LINGO2: variants seen among roughly 807,000 people sequenced by gnomAD.
LINGO2 encodes leucine-rich repeat and immunoglobulin-like domain-containing nogo receptor-interacting protein 2.
In LINGO2, 14 loss-of-function variants were observed where a neutral mutation model predicts 30.6. The ratio of observed to expected loss-of-function variants is 0.46; its 90% CI spans 0.30 to 0.72. The LOEUF is 0.72. LINGO2 is among the 30% of genes least tolerant of loss of function. LINGO2 has a pLI of 0.07. For missense variants in LINGO2, 729 were observed against 751.7 expected (o/e 0.97, Z 0.35); for synonymous variants, 317 against 288.5 (o/e 1.10, Z -1.00).
intron 1 of LINGO2, among the ~76,000 whole-genome samples, chr9:28,549,823 G>A (rs961039287): frequency 2.0e-5 from 3 of 151,088 alleles, no homozygotes; most frequent in South Asian, 4.2e-4. Context: ...CATCCATTTT[G>A]TTTTTTATTT....
At chr9:28,766,508 AATAAT>A in the LINGO2 span, among the ~76,000 whole-genome samples, 9 of 151,944 alleles carry the variant, frequency 5.9e-5, no homozygotes, top group African/African-American at 1.9e-4. Context: ...TATTATGAAA[AATAAT>A]ATAAAGATTC....
At chr9:28,084,596 T>C (rs563590811) in intron 4 of LINGO2, among the ~76,000 whole-genome samples, 1 of 152,238 alleles carries the variant, frequency 6.6e-6, no homozygotes, top group East Asian at 1.9e-4. Context: ...ATTTACTGTA[T>C]GAAGAAGCTT....
At chr9:28,911,645 T>A in the LINGO2 span, among the ~76,000 whole-genome samples, 1 of 152,214 alleles carries the variant, frequency 6.6e-6, no homozygotes, top group East Asian at 1.9e-4. Flanking sequence ...ACATAACAAG[T>A]GATTTTAGAT....
intron 4 of LINGO2, among the ~76,000 whole-genome samples, chr9:28,210,378 A>G (rs1820546851): frequency 6.6e-6 from 1 of 151,606 alleles, no homozygotes; most frequent in Non-Finnish European, 1.5e-5. Context: ...TCTATCCTCG[A>G]ACTCCATCAC....
At chr9:28,956,459 G>T in the LINGO2 span, among the ~76,000 whole-genome samples, 1 of 152,072 alleles carries the variant, frequency 6.6e-6, no homozygotes, top group South Asian at 2.1e-4. Flanking sequence ...TTCTTTATCT[G>T]TAAAGTGAAG....
intron 4 of LINGO2, among the ~76,000 whole-genome samples, chr9:28,064,794 A>G (rs1327746535): frequency 6.6e-6 from 1 of 152,056 alleles, no homozygotes; most frequent in African/African-American, 2.4e-5. Context: ...AAACAAAACC[A>G]AACCTGGTGC....
At chr9:28,703,503 T>C in the LINGO2 span, among the ~76,000 whole-genome samples, 2 of 152,082 alleles carry the variant, frequency 1.3e-5, no homozygotes, top group African/African-American at 4.8e-5. Context: ...GGATGTGTTT[T>C]ATGGCCAAGA....
the LINGO2 span, among the ~76,000 whole-genome samples, chr9:28,766,256 C>A: frequency 6.6e-5 from 10 of 151,788 alleles, no homozygotes; most frequent in Non-Finnish European, 2.9e-5. Context: ...AGCAATAAAA[C>A]AAATAACCCA....
intron 4 of LINGO2, among the ~76,000 whole-genome samples, chr9:28,062,125 G>A (rs925840210): frequency 6.6e-6 from 1 of 151,968 alleles, no homozygotes. Context: ...ACAGAAAAAA[G>A]AATCCAAGAC....
intron 1 of LINGO2, among the ~76,000 whole-genome samples, chr9:28,647,069 C>T (rs1677040251): frequency 6.6e-6 from 1 of 152,090 alleles, no homozygotes; most frequent in African/African-American, 2.4e-5. Context: ...ATCCCTTTCT[C>T]ACTGTCCCTT....
intron 4 of LINGO2, among the ~76,000 whole-genome samples, chr9:28,110,681 A>G (rs1826753468): frequency 6.6e-6 from 1 of 152,146 alleles, no homozygotes; most frequent in African/African-American, 2.4e-5. Context: ...CAAAAACACA[A>G]TGAGATACCA....
intron 4 of LINGO2, among the ~76,000 whole-genome samples, chr9:28,061,774 G>A (rs1825152320): frequency 6.6e-6 from 1 of 152,026 alleles, no homozygotes. Context: ...GCATAGGAAA[G>A]TGATTAAGAA....
the LINGO2 span, among the ~76,000 whole-genome samples, chr9:28,776,484 C>T: frequency 6.6e-6 from 1 of 152,110 alleles, no homozygotes; most frequent in Non-Finnish European, 1.5e-5. Flanking sequence ...TACTCAAATT[C>T]AATATTCAAA....
chr9:28,319,293 G>T (rs1406267216), intron 3 of LINGO2, among the ~76,000 whole-genome samples: 4 of 152,096 alleles, frequency 2.6e-5, no homozygotes, highest in Admixed American at 1.3e-4. Flanking sequence ...AATAATGGGT[G>T]GAACCCTGTC....
chr9:28,446,110 T>C (rs1824416188), intron 2 of LINGO2, among the ~76,000 whole-genome samples: 1 of 152,194 alleles, frequency 6.6e-6, no homozygotes, highest in Non-Finnish European at 1.5e-5. Flanking sequence ...TCAAGGATCC[T>C]AGGGAATGTT....
chr9:28,730,393 A>T, the LINGO2 span, among the ~76,000 whole-genome samples: 1 of 152,176 alleles, frequency 6.6e-6, no homozygotes, highest in Non-Finnish European at 1.5e-5. Context: ...TAGGCTTAAC[A>T]TCAAAAGGAT....
Position 27,949,268 on chromosome 9 carries a change from C to T in LINGO2, c.1404G>A (p.Leu468=), listed in dbSNP as rs564870453. Residue 468 remains leucine (L), a synonymous_variant, in exon 6 of 6, where the codon TTG becomes TTA. Transcript: ENST00000379992. ...CTTGATCCTGGGCAAAGCGGATTTC[C>T]AAGGTGCCATCACCCAACACGGTGG... 6.0e-4 allele frequency: 976 copies of T among 1,614,034 alleles called. 13 individuals carry two copies. The South Asian group carries it at 0.01, about 17-fold the overall frequency.
chr9:28,955,200 G>C, the LINGO2 span, among the ~76,000 whole-genome samples: 2 of 152,058 alleles, frequency 1.3e-5, no homozygotes, highest in Non-Finnish European at 2.9e-5. Flanking sequence ...GTGAGAGAGA[G>C]AGATAATGTT....
chr9:28,165,630 T>C (rs912160715), intron 4 of LINGO2, among the ~76,000 whole-genome samples: 1 of 152,172 alleles, frequency 6.6e-6, no homozygotes, highest in Admixed American at 6.5e-5. Context: ...GTAAAGCTTG[T>C]GGTTTTCGTC....
Sources: allele counts gnomAD v4.1 joint callset (sites outside exome capture counted in the v4.1 genomes callset), GRCh38; gene constraint gnomAD v4.1.1; transcripts MANE v1.5; gene names NCBI Gene and HGNC (gene_info 2026-07-23, HGNC 2026-07-21).